Variants in CSMD1 observed in about 807,000 individuals in gnomAD.
CSMD1 encodes CUB and sushi domain-containing protein 1.
In CSMD1, 213 loss-of-function variants were observed where a neutral mutation model predicts 417.5. The ratio of observed to expected loss-of-function variants is 0.51; its 90% CI spans 0.46 to 0.57. The LOEUF is 0.57. Among genes scored for constraint, CSMD1 ranks in the 20% least tolerant of loss-of-function variants. The pLI is 0.00. For missense variants in CSMD1, 6,923 were observed against 4,529.7 expected, an observed-to-expected ratio of 1.53 and a Z score of -15.17; for synonymous variants, 2,862 against 1,736.8, an observed-to-expected ratio of 1.65 and a Z score of -16.11.
At chr8:3,694,858 C>T (rs1800459757) in intron 7 of CSMD1, among the ~76,000 whole-genome samples, 1 of 151,840 alleles carries the variant, frequency 6.6e-6, no homozygotes, top group Admixed American at 6.6e-5. Flanking sequence ...AATACCGGAT[C>T]CTAAAGACCA....
intron 5 of CSMD1, among the ~76,000 whole-genome samples, chr8:3,927,174 A>G (rs1809796095): frequency 6.6e-6 from 1 of 151,986 alleles, no homozygotes; most frequent in Non-Finnish European, 1.5e-5. Flanking sequence ...TTGAAGCTAT[A>G]ATTTATTAGA....
At chr8:4,337,942 C>G (rs1016133928) in intron 3 of CSMD1, among the ~76,000 whole-genome samples, 3 of 152,254 alleles carry the variant, frequency 2.0e-5, no homozygotes, top group Admixed American at 1.3e-4. Flanking sequence ...AATGATATCG[C>G]ATTTCTCAAC....
At chr8:4,715,377 T>G (rs915664956) in intron 1 of CSMD1, among the ~76,000 whole-genome samples, 1 of 152,200 alleles carries the variant, frequency 6.6e-6, no homozygotes, top group Non-Finnish European at 1.5e-5. Flanking sequence ...ATATTAAAAT[T>G]GAATATAATA....
At chr8:3,976,050 T>C (rs1813411850) in intron 5 of CSMD1, among the ~76,000 whole-genome samples, 1 of 152,134 alleles carries the variant, frequency 6.6e-6, no homozygotes, top group South Asian at 2.1e-4. Context: ...CTGATTGAAA[T>C]CTGTATTTGA....
chr8:3,249,051 G>A (rs974813727), intron 26 of CSMD1, among the ~76,000 whole-genome samples: 3 of 152,168 alleles, frequency 2.0e-5, no homozygotes, highest in Non-Finnish European at 4.4e-5. Context: ...TAGCTTCACA[G>A]TGTGCAGCGT....
At chr8:3,287,099 GT>G (rs1195026956) in intron 25 of CSMD1, among the ~76,000 whole-genome samples, 1 of 151,888 alleles carries the variant, frequency 6.6e-6, no homozygotes, top group Non-Finnish European at 1.5e-5. Context: ...CCCATTGCTT[GT>G]TTTTATCAGG....
At chr8:4,436,487 G>T (rs781757879) in intron 2 of CSMD1, among the ~76,000 whole-genome samples, 3 of 152,186 alleles carry the variant, frequency 2.0e-5, no homozygotes, top group South Asian at 2.1e-4. Context: ...ATCACCTCAG[G>T]TTGAGGGGTA....
intron 5 of CSMD1, among the ~76,000 whole-genome samples, chr8:3,965,204 G>T (rs1285518045): frequency 6.6e-6 from 1 of 152,178 alleles, no homozygotes. Context: ...GACAAGGGCG[G>T]AAGGAGGGGC....
At chr8:4,646,286 C>G (rs1406874759) in intron 1 of CSMD1, among the ~76,000 whole-genome samples, 1 of 152,116 alleles carries the variant, frequency 6.6e-6, no homozygotes, top group African/African-American at 2.4e-5. Flanking sequence ...TTATTTATCT[C>G]TTAATGAAAT....
At chr8:4,796,960 G>A (rs1390288743) in intron 1 of CSMD1, among the ~76,000 whole-genome samples, 1 of 152,190 alleles carries the variant, frequency 6.6e-6, no homozygotes, top group Admixed American at 6.5e-5. Context: ...GGCCCTGATT[G>A]CCTGGTCATC....
chr8:4,076,611 G>A (rs111682211), intron 3 of CSMD1, among the ~76,000 whole-genome samples: 1 of 152,142 alleles, frequency 6.6e-6, no homozygotes, highest in African/African-American at 2.4e-5. Context: ...AAAAACATTT[G>A]ATAGTTGCCT....
At chr8:3,188,517 G>T (rs866641239) in intron 35 of CSMD1, among the ~76,000 whole-genome samples, 2 of 151,678 alleles carry the variant, frequency 1.3e-5, no homozygotes, top group South Asian at 4.2e-4. Context: ...ATGTTGGCCA[G>T]GCTAGTCTTG....
At chr8:2,973,660 T>C (rs1585075880) in intron 56 of CSMD1, among the ~76,000 whole-genome samples, 2 of 134,448 alleles carry the variant, frequency 1.5e-5, no homozygotes, top group Non-Finnish European at 3.2e-5. Flanking sequence ...ACAGGGAATG[T>C]GGGGAAAAAA....
At chr8:4,805,855 G>A (rs1798558013) in intron 1 of CSMD1, among the ~76,000 whole-genome samples, 2 of 152,144 alleles carry the variant, frequency 1.3e-5, no homozygotes, top group East Asian at 1.9e-4. Context: ...GTGGGATGCA[G>A]CACAGATATG....
chr8:4,413,691 G>A (rs1217651), intron 3 of CSMD1, among the ~76,000 whole-genome samples: 110,282 of 151,952 alleles, frequency 0.73, 41,212 homozygotes, highest in East Asian at 0.93. Context: ...TACCCAGTGA[G>A]TATTTTCCAA....
chr8:4,454,022 C>T (rs567324739), intron 2 of CSMD1, among the ~76,000 whole-genome samples: 4 of 151,820 alleles, frequency 2.6e-5, no homozygotes, highest in South Asian at 4.2e-4. Flanking sequence ...CGGGGTTTCA[C>T]CGTGTTAGCC....
At chr8:3,213,427 C>T (rs1797722654) in intron 30 of CSMD1, among the ~76,000 whole-genome samples, 1 of 152,042 alleles carries the variant, frequency 6.6e-6, no homozygotes, top group Admixed American at 6.6e-5. Context: ...AGATATGCAC[C>T]CTGGCCAGCA....
intron 10 of CSMD1, among the ~76,000 whole-genome samples, chr8:3,519,207 C>A (rs902179694): frequency 6.6e-6 from 1 of 152,120 alleles, no homozygotes; most frequent in Non-Finnish European, 1.5e-5. Context: ...CACTGAAGGG[C>A]AAAATTACCA....
intron 5 of CSMD1, among the ~76,000 whole-genome samples, chr8:3,924,810 C>G (rs1451772861): frequency 6.6e-6 from 1 of 152,112 alleles, no homozygotes; most frequent in Non-Finnish European, 1.5e-5. Context: ...CTGTAAGTCA[C>G]TGAAGTTAAG....
Sources: allele counts gnomAD v4.1 joint callset (sites outside exome capture counted in the v4.1 genomes callset), GRCh38; gene constraint gnomAD v4.1.1; transcripts MANE v1.5; gene names NCBI Gene and HGNC (gene_info 2026-07-23, HGNC 2026-07-21).